The following PRKCB variants were observed in gnomAD, a reference collection of about 807,000 sequenced individuals.
The protein encoded by PRKCB is protein kinase C beta, also known as protein kinase C beta type.
PRKCB carries 13 observed loss-of-function variants against 81.5 expected under a neutral mutation model. That is an observed-to-expected ratio of 0.16 (90% CI 0.10 to 0.25). The LOEUF (loss-of-function observed/expected upper bound fraction) is 0.25. PRKCB is among the 10% of genes least tolerant of loss of function. The pLI, the probability that PRKCB is intolerant of heterozygous loss-of-function variation, is 1.00. For synonymous variants in PRKCB, 335 were observed against 321.4 expected (o/e 1.04, Z -0.45); for missense variants, 509 against 875.7 (o/e 0.58, Z 5.29).
chr16:24,021,091 T>TTTTCTTTCTTTC (rs1439131100), intron 3 of PRKCB, among the ~76,000 whole-genome samples: 1 of 58,048 alleles, frequency 1.7e-5, no homozygotes, highest in African/African-American at 7.5e-5. Context: ...TTCTTTCTTT[T>TTTTCTTTCTTTC]TTTCTTTCTT....
chr16:24,026,501 G>A (rs1965482013), intron 3 of PRKCB, among the ~76,000 whole-genome samples: 1 of 152,198 alleles, frequency 6.6e-6, no homozygotes, highest in African/African-American at 2.4e-5. Context: ...AAAACCAACA[G>A]AGGCAACTTA....
chr16:23,958,596 C>A (rs7187930), intron 2 of PRKCB, among the ~76,000 whole-genome samples: 17,507 of 152,184 alleles, frequency 0.12, 1,071 homozygotes, highest in Non-Finnish European at 0.12. Context: ...AGCCACTGCG[C>A]CCAGCCTCTT....
chr16:23,872,716 C>T (rs1462458147), intron 2 of PRKCB, among the ~76,000 whole-genome samples: 7 of 152,026 alleles, frequency 4.6e-5, no homozygotes, highest in African/African-American at 1.7e-4. Context: ...ACAGGGTTGT[C>T]AGGAAAACTA....
Position 24,021,346 on chromosome 16 carries a change from CCTTCCTT to C in PRKCB, c.289-10788_289-10782del, listed in dbSNP as rs1965398318. ...TCCTTCCTTCCTTCCTTCCTTCCTT[CCTTCCTT>C]CCTCCTTCCCTCCCTCCCTCCCCCC... On this transcript the variant is annotated intron_variant, in intron 3 of 16. Transcript: ENST00000643927. Among the ~76,000 whole-genome samples the C allele has an allele frequency of 2.1e-4, 16 of 77,858 alleles. 2 individuals carry two copies. The highest frequency in any genetic ancestry group is 3.1e-4 in the Non-Finnish European group (13 of 41,502). 51.1% of individuals were successfully genotyped at this position (77,858 alleles called of 152,430 possible).
intron 5 of PRKCB, among the ~76,000 whole-genome samples, chr16:24,070,157 T>TA (rs1966089461): frequency 6.6e-6 from 1 of 151,716 alleles, no homozygotes; most frequent in African/African-American, 2.4e-5. Context: ...ATTTTTTTTT[T>TA]TTTTTTTTTG....
chr16:23,935,504 G>A (rs775040876), intron 2 of PRKCB, among the ~76,000 whole-genome samples: 7 of 151,978 alleles, frequency 4.6e-5, no homozygotes, highest in East Asian at 1.9e-4. Context: ...TACAATTAAC[G>A]TTAAATCACA....
At chr16:24,083,610 G>T (rs1327984037) in intron 5 of PRKCB, among the ~76,000 whole-genome samples, 1 of 152,142 alleles carries the variant, frequency 6.6e-6, no homozygotes, top group African/African-American at 2.4e-5. Context: ...TTCCATTTAG[G>T]TATTATTCTT....
At chr16:23,863,023 CA>C (rs1247053974) in intron 2 of PRKCB, among the ~76,000 whole-genome samples, 1 of 150,734 alleles carries the variant, frequency 6.6e-6, no homozygotes, top group East Asian at 1.9e-4. Flanking sequence ...TCCTTTATCA[CA>C]AACCCTTGTA....
Position 24,217,325 on chromosome 16 carries a change from C to T in PRKCB, c.*2509C>T. 1 of 985,418 alleles carries T rather than the reference C, an allele frequency of 1.0e-6. No homozygotes were observed. The highest frequency in any genetic ancestry group is 1.7e-5 in the African/African-American group (1 of 57,356). 61.0% of individuals were successfully genotyped at this position (985,418 alleles called of 1,614,324 possible). On this transcript the variant is annotated 3_prime_UTR_variant, in exon 17 of 17. Coordinates refer to ENST00000643927, the MANE Select transcript of PRKCB (RefSeq NM_002738.7). Reference sequence around the variant, plus strand: ...CCATGGAAAGTCAGAATTTCTACCACTTCCTTTTCTATCCACATTTCCAGT... The same window carrying T: ...CCATGGAAAGTCAGAATTTCTACCATTTCCTTTTCTATCCACATTTCCAGT...
chr16:24,121,545 A>C (rs886174334), intron 8 of PRKCB, among the ~76,000 whole-genome samples: 1 of 152,102 alleles, frequency 6.6e-6, no homozygotes, highest in African/African-American at 2.4e-5. Flanking sequence ...TGTCCAGCTA[A>C]TTAAACTTTT....
At chr16:24,100,656 C>A (rs1007830671) in intron 7 of PRKCB, among the ~76,000 whole-genome samples, 5 of 152,230 alleles carry the variant, frequency 3.3e-5, no homozygotes, top group South Asian at 4.1e-4. Flanking sequence ...CCAAGGTTCT[C>A]CAAGCCCCAA....
intron 2 of PRKCB, among the ~76,000 whole-genome samples, chr16:23,956,135 T>C (rs2879907): frequency 0.17 from 25,108 of 152,060 alleles, 2,337 homozygotes; most frequent in African/African-American, 0.24. Flanking sequence ...TTTATAATTT[T>C]TTTTGAGAGA....
At chr16:23,855,004 A>T (rs17809041) in intron 2 of PRKCB, among the ~76,000 whole-genome samples, 14,897 of 152,194 alleles carry the variant, frequency 0.098, 771 homozygotes, top group Middle Eastern at 0.18. Flanking sequence ...TGCACACGCA[A>T]CACTGAATAC....
At chr16:23,903,310 A>G (rs1005661802) in intron 2 of PRKCB, among the ~76,000 whole-genome samples, 3 of 151,750 alleles carry the variant, frequency 2.0e-5, no homozygotes, top group Non-Finnish European at 4.4e-5. Flanking sequence ...TGGGGGAGTG[A>G]TAGAGATTCT....
At chr16:24,058,434 A>C (rs949231923) in intron 5 of PRKCB, among the ~76,000 whole-genome samples, 13 of 152,048 alleles carry the variant, frequency 8.5e-5, no homozygotes, top group African/African-American at 3.1e-4. Context: ...AAAAAAAACC[A>C]AAAACGGTGG....
intron 2 of PRKCB, among the ~76,000 whole-genome samples, chr16:23,950,938 G>A (rs931552434): frequency 7.2e-5 from 11 of 152,122 alleles, no homozygotes; most frequent in African/African-American, 2.7e-4. Flanking sequence ...CATCAATGGG[G>A]TACTCTATTC....
At chr16:24,052,468 C>A (rs1249398462) in intron 5 of PRKCB, among the ~76,000 whole-genome samples, 1 of 152,254 alleles carries the variant, frequency 6.6e-6, no homozygotes, top group Non-Finnish European at 1.5e-5. Flanking sequence ...GGCTACTCCA[C>A]AGGCAGAGCA....
At position 23,962,746 on chromosome 16, in the gene PRKCB, TC is replaced by T. The variant is rs59420821; in HGVS notation, c.206-25761del. ...AACAAACCAGTCTTTGTTTTTTTTT[TC>T]TTTTATTTTAATTTTGATAGTTTTG... is the stretch of plus-strand genomic sequence containing the variant. On this transcript the variant is annotated intron_variant, in intron 2 of 16. Coordinates refer to ENST00000643927, the MANE Select transcript of PRKCB (RefSeq NM_002738.7). Among the ~76,000 whole-genome samples, 1,019 of 145,962 alleles carry T rather than the reference TC, an allele frequency of 7.0e-3. 10 individuals are homozygous for T. The highest frequency in any genetic ancestry group is 0.025 in the African/African-American group (889 of 35,714).
At chr16:23,981,775 C>T (rs368793202) in intron 2 of PRKCB, among the ~76,000 whole-genome samples, 2 of 11,306 alleles carry the variant, frequency 1.8e-4, no homozygotes, top group Non-Finnish European at 3.0e-4. Context: ...CCCTTCCCTT[C>T]CCCTTCCCTT....
Sources: allele counts gnomAD v4.1 joint callset (sites outside exome capture counted in the v4.1 genomes callset), GRCh38; gene constraint gnomAD v4.1.1; transcripts MANE v1.5; gene names NCBI Gene and HGNC (gene_info 2026-07-23, HGNC 2026-07-21).